PSMD2: variants seen among roughly 807,000 people sequenced by gnomAD.
PSMD2 encodes the protein proteasome 26S subunit ubiquitin receptor, non-ATPase 2, also known as 26S proteasome non-ATPase regulatory subunit 2.
Under a neutral mutation model 101.5 loss-of-function variants are expected in PSMD2, and 8 were observed. The observed-to-expected ratio is 0.08, with a 90% CI of 0.05 to 0.14. The LOEUF is 0.14. Ranked by LOEUF, PSMD2 falls within the 10% of genes least tolerant of loss-of-function variation. The pLI, the probability that PSMD2 is intolerant of heterozygous loss-of-function variation, is 1.00. For missense variants in PSMD2, 784 were observed against 1,147.4 expected, an observed-to-expected ratio of 0.68 and a Z score of 4.58; for synonymous variants, 418 against 433.8, an observed-to-expected ratio of 0.96 and a Z score of 0.45.
At chr3:184,299,768 ATTC>A in intron 1 of PSMD2, 80 bp from the exon 2 acceptor site, 1 of 1,193,436 alleles carries the variant, frequency 8.4e-7, no homozygotes, top group Non-Finnish European at 1.3e-6. Flanking sequence ...AGGCAGGCTT[ATTC>A]TTCACCTGCC....
In PSMD2 at chr3:184,304,693, C is replaced by G. The variant is rs552895328; in HGVS notation, c.1539+302C>G. 6.6e-6 allele frequency among the ~76,000 whole-genome samples: 1 copy of G among 152,038 alleles called. No individual in the cohort carries two copies. Among genetic ancestry groups the G allele is most frequent in the Non-Finnish European group, 1.5e-5 (1 of 68,010 alleles). ...TTGAGCCCAGGAGTTCGAGACCAAC[C>G]TGGGCAAGATTGTGAAACCCCATTT... On this transcript the variant is annotated intron_variant, in intron 12 of 20. Coordinates refer to ENST00000310118, the MANE Select transcript of PSMD2 (RefSeq NM_002808.5). The surrounding 1 kb of genome is among the most constrained non-coding windows in gnomAD (Gnocchi z 4.1).
intron 5 of PSMD2, 63 bp downstream of exon 5, chr3:184,302,134 C>G (rs1721666676): frequency 1.3e-6 from 2 of 1,516,732 alleles, no homozygotes; most frequent in Non-Finnish European, 9.1e-7. Context: ...CTCTCAATTG[C>G]GCCTCCTCTA....
intron 3 of PSMD2, 148 bp downstream of exon 3, chr3:184,300,592 A>C (rs1455062478): frequency 7.0e-7 from 1 of 1,428,866 alleles, no homozygotes. Context: ...AAATATCTAC[A>C]GAAGAGCTGA....
In PSMD2 at chr3:184,306,739, C is replaced by T. The variant is rs773639548; in HGVS notation, c.1951-12C>T. 3 of 1,611,932 alleles carry T rather than the reference C, an allele frequency of 1.9e-6. No homozygotes were observed. The highest frequency in any genetic ancestry group is 1.7e-6 in the Non-Finnish European group (2 of 1,178,814). On this transcript the variant is annotated splice_polypyrimidine_tract_variant and intron_variant, in intron 15 of 20. Coordinates refer to ENST00000310118, the MANE Select transcript of PSMD2 (RefSeq NM_002808.5). ...TTGAGCTTAATGGGTTCTGCTCTCT[C>T]TTCAATTGCAGGGAGTGGCTGTTCT...
At chr3:184,301,007 A>G (rs1030479390) in intron 3 of PSMD2, among the ~76,000 whole-genome samples, 3 of 151,852 alleles carry the variant, frequency 2.0e-5, no homozygotes, top group African/African-American at 7.3e-5. Context: ...TTTATCCCTC[A>G]TTTATCACCC....
Position 184,308,400 on chromosome 3 carries a change from A to C in PSMD2, c.2426-49A>C. ...AGGTGGGCTCTCAATGTTTCTGGCCAGGCCTGTCTTTTTGTCTCTTAACTT... is the reference window on the plus strand; with the variant it reads ...AGGTGGGCTCTCAATGTTTCTGGCCCGGCCTGTCTTTTTGTCTCTTAACTT... On this transcript the variant is annotated intron_variant, in intron 19 of 20. Transcript: ENST00000310118. The surrounding 1 kb of genome is among the most constrained non-coding windows in gnomAD (Gnocchi z 6.0). 1 of 1,444,838 alleles carries C rather than the reference A, an allele frequency of 6.9e-7. No individual in the cohort carries two copies. Among genetic ancestry groups the C allele is most frequent in the Non-Finnish European group, 9.6e-7 (1 of 1,045,610 alleles). 89.5% of individuals were successfully genotyped at this position (1,444,838 alleles called of 1,614,324 possible). A position where few individuals can be genotyped will look rare whatever the true frequency, so the allele number is the denominator to read the frequency against.
In PSMD2 at chr3:184,308,645, C is replaced by T; in HGVS notation, c.2545-63C>T. On this transcript the variant is annotated intron_variant, in intron 20 of 20. Transcript: ENST00000310118. The surrounding 1 kb of genome is among the most constrained non-coding windows in gnomAD (Gnocchi z 6.0). Reference sequence around the variant, plus strand: ...TGTACATATACTTGCTTTGCTGAAACTGGCGTGGGCGGTGGCTTGTCGCTA... The same window carrying T: ...TGTACATATACTTGCTTTGCTGAAATTGGCGTGGGCGGTGGCTTGTCGCTA... The T allele has an allele frequency of 6.3e-7, 1 of 1,585,340 alleles. No homozygotes were observed. The highest frequency in any genetic ancestry group is 8.6e-7 in the Non-Finnish European group (1 of 1,156,728).
At position 184,306,116 on chromosome 3, in the gene PSMD2, A is replaced by G. The variant is rs1721822294; in HGVS notation, c.1765A>G (p.Ser589Gly). 1 of 1,614,170 alleles carries G rather than the reference A, an allele frequency of 6.2e-7. No individual in the cohort carries two copies. The highest frequency in any genetic ancestry group is 8.5e-7 in the Non-Finnish European group (1 of 1,180,038). ...ALEVVSEPFR[S>G]FANTLVDVCA... is the part of the protein sequence containing the mutation. ...GGAGGTTGTGTCAGAGCCATTCCGC[A>G]GTTTTGCCAACACACTGGTGGATGT... Residue 589 changes from serine to glycine, a missense_variant, in exon 14 of 21, where the codon AGT becomes GGT. This residue lies in a region of PSMD2 where 282 missense variants were observed against 437.6 expected (regional missense o/e 0.64). Transcript: ENST00000310118.
Position 184,303,329 on chromosome 3 carries a change from G to T in PSMD2, c.1079G>T (p.Gly360Val). 6.2e-7 allele frequency: 1 copy of T among 1,612,958 alleles called. No homozygotes were observed. The highest frequency in any genetic ancestry group is 2.2e-5 in the East Asian group (1 of 44,876). The part of the protein sequence containing the change: ...KTHLENNRFG[G>V]SGSQVDSARM... ...CTCCCTCCTGTTGCAGGGTTTGGGG[G>T]CAGTGGCTCTCAGGTGGACTCTGCC... The change falls in exon 9 of 21, where the codon GGC becomes GTC. Residue 360 changes from glycine (G) to valine (V), a missense_variant. Physicochemically the swap from Gly to Val is moderately radical, Grantham distance 109. Coordinates refer to ENST00000310118, the MANE Select transcript of PSMD2 (RefSeq NM_002808.5).
In PSMD2 at chr3:184,304,067, A is replaced by G. The variant is rs1721740883; in HGVS notation, c.1444A>G (p.Ile482Val). Residue 482 changes from isoleucine to valine, a missense_variant, in exon 11 of 21, where the codon ATC (isoleucine) becomes GTC (valine). Coordinates refer to ENST00000310118, the MANE Select transcript of PSMD2 (RefSeq NM_002808.5). The surrounding 1 kb of genome is among the most constrained non-coding windows in gnomAD (Gnocchi z 4.1). ...CAGCAACACCATGAGACTTGGTTCC[A>G]TCTTTGGGTAAGGTTCCTCGCTTGT... Reference protein sequence around the residue: ...HNSNTMRLGSIFGLGLAYAGS... With the variant: ...HNSNTMRLGSVFGLGLAYAGS... The G allele has an allele frequency of 5.0e-6, 8 of 1,614,114 alleles. No homozygotes were observed. Among genetic ancestry groups the G allele is most frequent in the Non-Finnish European group, 6.8e-6 (8 of 1,180,028 alleles).
At chr3:184,301,324 G>A (rs1387458476) in intron 3 of PSMD2, among the ~76,000 whole-genome samples, 7 of 142,940 alleles carry the variant, frequency 4.9e-5, no homozygotes, top group Non-Finnish European at 9.1e-5. Context: ...CAGCAAGAGC[G>A]AAACTGAGTC....
intron 1 of PSMD2, 53 bp downstream of exon 1, chr3:184,299,454 C>A (rs1721569503): frequency 7.6e-7 from 1 of 1,308,770 alleles, no homozygotes; most frequent in Non-Finnish European, 9.7e-7. Context: ...TGAGTCACGG[C>A]GGCTCCGCAG....
chr3:184,301,461 G>T, intron 3 of PSMD2, 76 bp from the exon 4 acceptor site: 1 of 1,550,938 alleles, frequency 6.4e-7, no homozygotes, highest in South Asian at 1.1e-5. Context: ...CGGAGACAAT[G>T]ATCTTGATTC....
At chr3:184,302,196 G>A (rs1015073184) in intron 5 of PSMD2, 125 bp downstream of exon 5, 3 of 1,231,630 alleles carry the variant, frequency 2.4e-6, no homozygotes, top group Admixed American at 2.1e-5. Context: ...TTAATCTTTT[G>A]ATGTGTGTGA....
At chr3:184,300,163 A>G (rs1158105880) in intron 2 of PSMD2, 117 bp from the exon 3 acceptor site, 1 of 1,135,986 alleles carries the variant, frequency 8.8e-7, no homozygotes, top group Non-Finnish European at 1.3e-6. Context: ...GAGGAATCAC[A>G]GATGAATGAA....
intron 8 of PSMD2, 53 bp from the exon 9 acceptor site, chr3:184,303,267 C>T: frequency 1.3e-6 from 2 of 1,587,010 alleles, no homozygotes; most frequent in East Asian, 2.2e-5. Context: ...GTGTTTCTTT[C>T]CTGTCCTACC....
chr3:184,305,834 T>G lies in PSMD2; in HGVS notation c.1606T>G (p.Ser536Ala), dbSNP rs942380887. Residue 536 changes from serine to alanine, a missense_variant, in exon 13 of 21, where the codon TCC becomes GCC. By Grantham distance (99) the Ser-to-Ala change is moderately conservative. Coordinates refer to ENST00000310118, the MANE Select transcript of PSMD2 (RefSeq NM_002808.5). ...AVGSCNGDVT[S>A]TILQTIMEKS... ...AGGGTCCTGCAATGGAGATGTAACT[T>G]CCACTATCCTTCAGACCATCATGGA... 5.0e-6 allele frequency: 8 copies of G among 1,614,186 alleles called. No homozygotes were observed. The highest frequency in any genetic ancestry group is 6.8e-6 in the Non-Finnish European group (8 of 1,180,022).
intron 15 of PSMD2, 47 bp from the exon 16 acceptor site, chr3:184,306,702 GTT>G: frequency 6.3e-7 from 1 of 1,584,850 alleles, no homozygotes; most frequent in Non-Finnish European, 8.6e-7. Context: ...AAGGGTGACT[GTT>G]TTTTATTCCT....
At chr3:184,303,487 T>C (rs958593528) in intron 9 of PSMD2, 21 bp downstream of exon 9, 23 of 1,612,120 alleles carry the variant, frequency 1.4e-5, no homozygotes, top group Non-Finnish European at 1.7e-5. Flanking sequence ...GTTCCTGCTT[T>C]GTCTTTTGTT....
Sources: allele counts gnomAD v4.1 joint callset (sites outside exome capture counted in the v4.1 genomes callset), GRCh38; gene constraint gnomAD v4.1.1; regional missense constraint gnomAD v4.1.1; non-coding constraint Gnocchi (gnomAD v3.1); transcripts MANE v1.5; gene names NCBI Gene and HGNC (gene_info 2026-07-23, HGNC 2026-07-21).